Variants in DNAJC10 observed in about 807,000 individuals in gnomAD.
DNAJC10 encodes DnaJ heat shock protein family (Hsp40) member C10.
Under a neutral mutation model 115.0 loss-of-function variants are expected in DNAJC10, and 101 were observed. The observed-to-expected ratio is 0.88, with a 90% CI of 0.75 to 1.04. The LOEUF (loss-of-function observed/expected upper bound fraction) is 1.04, where lower values mean the gene tolerates loss of function less well. Ranked by LOEUF, DNAJC10 falls within the 50% of genes least tolerant of loss-of-function variation. DNAJC10 has a pLI of 0.00. For synonymous variants in DNAJC10, 307 were observed against 301.5 expected, an observed-to-expected ratio of 1.02 and a Z score of -0.19; for missense variants, 981 against 928.8, an observed-to-expected ratio of 1.06 and a Z score of -0.73.
rs1693486827 is a variant in DNAJC10 at position 182,732,868 on chromosome 2, A to G, written c.849+326A>G. 1.8e-5 allele frequency: 6 copies of G among 324,938 alleles called. No individual in the cohort carries two copies. The South Asian group carries it at 2.2e-4, about 12-fold the overall frequency. 20.1% of individuals were successfully genotyped at this position (324,938 alleles called of 1,614,324 possible). A position where few individuals can be genotyped will look rare whatever the true frequency, so the allele number is the denominator to read the frequency against. On this transcript the variant is annotated intron_variant, in intron 10 of 23. Coordinates refer to ENST00000264065, the MANE Select transcript of DNAJC10 (RefSeq NM_018981.4). ...GTTGTTTTCTTTTTTAGTCATTTTT[A>G]AATGTATATAGCTCTCATGTTATGG...
At chr2:182,770,574 G>A (rs1325332969) in intron 22 of DNAJC10, among the ~76,000 whole-genome samples, 2 of 152,096 alleles carry the variant, frequency 1.3e-5, no homozygotes, top group African/African-American at 4.8e-5. Context: ...TCTCTTTGTA[G>A]CAATTGTAAA....
chr2:182,776,768 ATATTT>A (rs1353311959), intron 23 of DNAJC10, among the ~76,000 whole-genome samples: 2 of 152,214 alleles, frequency 1.3e-5, no homozygotes, highest in East Asian at 1.9e-4. Flanking sequence ...TTTTCTCAAG[ATATTT>A]TATTTTGAAA....
At chr2:182,765,657 A>G (rs1344292021) in intron 22 of DNAJC10, among the ~76,000 whole-genome samples, 1 of 152,166 alleles carries the variant, frequency 6.6e-6, no homozygotes, top group Non-Finnish European at 1.5e-5. Context: ...CATCACCTTC[A>G]TTGTTGTGGT....
rs537514772 is a variant in DNAJC10, at chr2:182,755,319, G to T, written c.1653+215G>T. Among the ~76,000 whole-genome samples the T allele has an allele frequency of 2.6e-5, 4 of 152,088 alleles. No homozygotes were observed. In the East Asian group the frequency reaches 7.7e-4, roughly 29 times the overall value. Reference sequence around the variant, plus strand: ...CTGTGTTTTATTTGTTACCTGGTATGTACAGTGCCTTATAAACAATGGACA... The same window carrying T: ...CTGTGTTTTATTTGTTACCTGGTATTTACAGTGCCTTATAAACAATGGACA... On this transcript the variant is annotated intron_variant, in intron 17 of 23. Coordinates refer to ENST00000264065, the MANE Select transcript of DNAJC10 (RefSeq NM_018981.4).
In DNAJC10 at chr2:182,793,663, A is replaced by G. The variant is rs1043414064; in HGVS notation, c.*16531A>G. ...GCTGTGACCTATCTGTTACAAAAAT[A>G]TATCTATATAATCCTAAATTAGGTT... On this transcript the variant is annotated 3_prime_UTR_variant, in exon 24 of 24. Transcript: ENST00000264065. 1.3e-5 allele frequency: 2 copies of G among 152,154 alleles called. No individual in the cohort carries two copies. The highest frequency in any genetic ancestry group is 2.1e-4 in the South Asian group (1 of 4,830). The allele number at this position is 152,154 out of a possible 1,614,324, so 9.4% of individuals were successfully genotyped here.
At position 182,759,249 on chromosome 2, in the gene DNAJC10, A is replaced by G. The variant is rs754761068; in HGVS notation, c.2087A>G (p.Tyr696Cys). ...AAAAATCATTGGGTGATTGATTTCT[A>G]TGCTCCTTGGTGTGGACCTTGCCAG... ...QGKNHWVIDF[Y>C]APWCGPCQNF... The change falls in exon 21 of 24, where the codon TAT becomes TGT. Residue 696 changes from tyrosine to cysteine, a missense_variant. Transcript: ENST00000264065. The G allele has an allele frequency of 9.9e-6, 16 of 1,612,132 alleles. No individual in the cohort carries two copies. The highest frequency in any genetic ancestry group is 3.4e-5 in the Admixed American group (2 of 59,508).
At chr2:182,744,122 T>A (rs1005228622) in intron 14 of DNAJC10, among the ~76,000 whole-genome samples, 2 of 152,248 alleles carry the variant, frequency 1.3e-5, no homozygotes, top group Admixed American at 1.3e-4. Flanking sequence ...CCTTGTTATC[T>A]TTCTTGCATT....
chr2:182,764,799 C>T (rs1694369070), intron 22 of DNAJC10, among the ~76,000 whole-genome samples: 1 of 152,128 alleles, frequency 6.6e-6, no homozygotes, highest in South Asian at 2.1e-4. Context: ...GTCCTAATCT[C>T]CAAATCTGGG....
intron 1 of DNAJC10, among the ~76,000 whole-genome samples, 198 bp downstream of exon 1, chr2:182,716,681 A>G (rs893560373): frequency 1.3e-5 from 2 of 152,160 alleles, no homozygotes; most frequent in African/African-American, 4.8e-5. Flanking sequence ...ATTCCCTCTC[A>G]GTTACTTACA....
chr2:182,744,953 T>G (rs567600843), intron 14 of DNAJC10, among the ~76,000 whole-genome samples: 4 of 152,330 alleles, frequency 2.6e-5, no homozygotes, highest in African/African-American at 9.6e-5. Flanking sequence ...ACTGCTTTGT[T>G]TCAGGCCCAT....
Position 182,775,191 on chromosome 2 carries a change from T to G in DNAJC10, c.2266-125T>G, listed in dbSNP as rs1055625467. On this transcript the variant is annotated intron_variant, in intron 22 of 23. Transcript: ENST00000264065. ...CATTATTTCCTTGAAGAGAATAAAT[T>G]TGAATTTCAAACACTTCAAGTTTTG... is the stretch of plus-strand genomic sequence containing the variant. 3 of 652,260 alleles carry G rather than the reference T, an allele frequency of 4.6e-6. No individual in the cohort carries two copies. In the Admixed American group the frequency reaches 8.6e-5, roughly 19 times the overall value. The allele number at this position is 652,260 out of a possible 1,614,324, so 40.4% of individuals were successfully genotyped here. A position where few individuals can be genotyped will look rare whatever the true frequency, so the allele number is the denominator to read the frequency against.
At chr2:182,744,022 C>CTATGT (rs746697693) in intron 14 of DNAJC10, among the ~76,000 whole-genome samples, 5 of 152,200 alleles carry the variant, frequency 3.3e-5, no homozygotes, top group Non-Finnish European at 7.4e-5. Flanking sequence ...TTCCAGCTTG[C>CTATGT]CATGTGTATC....
intron 15 of DNAJC10, 66 bp from the exon 16 acceptor site, chr2:182,752,006 C>A: frequency 7.5e-7 from 1 of 1,340,840 alleles, no homozygotes; most frequent in Non-Finnish European, 1.1e-6. Flanking sequence ...TTACTTGTTG[C>A]AGAAATGATG....
intron 20 of DNAJC10, 55 bp downstream of exon 20, chr2:182,758,945 C>T: frequency 7.6e-7 from 1 of 1,321,730 alleles, no homozygotes; most frequent in Non-Finnish European, 1.1e-6. Context: ...CCATTTACCC[C>T]CCTTTTATAT....
chr2:182,771,078 C>T (rs1181415332), intron 22 of DNAJC10, among the ~76,000 whole-genome samples: 2 of 151,954 alleles, frequency 1.3e-5, no homozygotes, highest in South Asian at 2.1e-4. Context: ...TAGTTTTTGT[C>T]TTTGGTTCTG....
chr2:182,792,235 C>T lies in DNAJC10; in HGVS notation c.*15103C>T, dbSNP rs1195174022. 6.6e-6 allele frequency: 1 copy of T among 152,148 alleles called. No homozygotes were observed. Among genetic ancestry groups the T allele is most frequent in the East Asian group, 1.9e-4 (1 of 5,200 alleles). 9.4% of individuals were successfully genotyped at this position (152,148 alleles called of 1,614,324 possible). ...TTTTTATCTCCATGCTATAATCTTG[C>T]ACAAGTTTCATTAGAATTAAATGCA... On this transcript the variant is annotated 3_prime_UTR_variant, in exon 24 of 24. Transcript: ENST00000264065.
At position 182,756,257 on chromosome 2, in the gene DNAJC10, A is replaced by C. The variant is rs918281983; in HGVS notation, c.1654-57A>C. 1.1e-5 allele frequency: 15 copies of C among 1,386,642 alleles called. No homozygotes were observed. The African/African-American group carries it at 1.9e-4, about 18-fold the overall frequency. 85.9% of individuals were successfully genotyped at this position (1,386,642 alleles called of 1,614,324 possible). On this transcript the variant is annotated intron_variant, in intron 17 of 23. Transcript: ENST00000264065. Reference sequence around the variant, plus strand: ...AACCTGTACCAACAATTTGCCAGGAATATATGAACAGCTATGCTTTATATA... The same window carrying C: ...AACCTGTACCAACAATTTGCCAGGACTATATGAACAGCTATGCTTTATATA...
At chr2:182,740,441 G>A (rs2105644423) in intron 12 of DNAJC10, 53 bp downstream of exon 12, 1 of 1,471,864 alleles carries the variant, frequency 6.8e-7, no homozygotes, top group South Asian at 1.4e-5. Context: ...TAACATTTCA[G>A]GTCTTAACAT....
intron 3 of DNAJC10, among the ~76,000 whole-genome samples, chr2:182,719,269 T>G (rs956719648): frequency 6.8e-6 from 1 of 146,994 alleles, no homozygotes; most frequent in Admixed American, 6.8e-5. Context: ...TTTTTTTTTT[T>G]TTTTGAGATA....
Sources: allele counts gnomAD v4.1 joint callset (sites outside exome capture counted in the v4.1 genomes callset), GRCh38; gene constraint gnomAD v4.1.1; transcripts MANE v1.5; gene names NCBI Gene and HGNC (gene_info 2026-07-23, HGNC 2026-07-21).